The following ESR1 variants were observed in gnomAD, a reference collection of about 807,000 sequenced individuals.
ESR1 encodes the protein estrogen receptor.
A neutral mutation model predicts 52.7 loss-of-function variants in ESR1; 12 were observed. The ratio of observed to expected loss-of-function variants is 0.23; its 90% CI spans 0.15 to 0.37. The LOEUF (loss-of-function observed/expected upper bound fraction) is 0.37, where lower values mean the gene tolerates loss of function less well. Among genes scored for constraint, ESR1 ranks in the 10% least tolerant of loss-of-function variants. The pLI is 1.00. For synonymous variants in ESR1, 305 were observed against 316.8 expected (o/e 0.96, Z 0.39); for missense variants, 584 against 779.7 (o/e 0.75, Z 2.99).
chr6:151,833,304 A>T (rs993268639), intron 1 of ESR1, among the ~76,000 whole-genome samples: 1 of 152,206 alleles, frequency 6.6e-6, no homozygotes. Context: ...TTTGGGTGGG[A>T]CATTCATGGA....
chr6:151,986,903 A>ATG lies in ESR1; in HGVS notation c.1097-24736_1097-24735dup, dbSNP rs140628128. 1.3e-3 allele frequency among the ~76,000 whole-genome samples: 199 copies of ATG among 149,996 alleles called. 3 individuals carry two copies. Among genetic ancestry groups the ATG allele is most frequent in the East Asian group, 3.5e-3 (18 of 5,126 alleles). On this transcript the variant is annotated intron_variant, in intron 4 of 7. Transcript: ENST00000206249. ...ATGCTCACGGAGTATGTGTGTGAGC[A>ATG]TGTGTGTGTGTGTGTGTGCACGCGA...
intron 2 of ESR1, among the ~76,000 whole-genome samples, chr6:151,716,197 C>G (rs1237559891): frequency 1.3e-5 from 2 of 152,206 alleles, no homozygotes; most frequent in African/African-American, 4.8e-5. Flanking sequence ...GTTCCTTCCT[C>G]TGGAAGCTTT....
At chr6:151,835,783 A>C (rs1205065624) in intron 1 of ESR1, among the ~76,000 whole-genome samples, 2 of 134,864 alleles carry the variant, frequency 1.5e-5, no homozygotes, top group Non-Finnish European at 3.1e-5. Flanking sequence ...ATTTGGACTT[A>C]AGTCTATATA....
At chr6:151,826,100 G>A (rs913372825) in intron 1 of ESR1, among the ~76,000 whole-genome samples, 1 of 151,992 alleles carries the variant, frequency 6.6e-6, no homozygotes, top group Admixed American at 6.6e-5. Flanking sequence ...GGAAGGAATT[G>A]AAAGTTGGTT....
intron 3 of ESR1, among the ~76,000 whole-genome samples, chr6:151,895,811 TA>T (rs796983619): frequency 3.9e-5 from 6 of 152,292 alleles, no homozygotes; most frequent in African/African-American, 1.2e-4. Flanking sequence ...TCGTTAAGGA[TA>T]TTTTTTTGAG....
chr6:151,727,352 C>A (rs1391699294), intron 2 of ESR1, among the ~76,000 whole-genome samples: 1 of 151,964 alleles, frequency 6.6e-6, no homozygotes, highest in Non-Finnish European at 1.5e-5. Context: ...TAGGTGTGCA[C>A]CATCACGCCC....
At chr6:151,796,171 A>G (rs1286356158) in intron 2 of ESR1, among the ~76,000 whole-genome samples, 1 of 152,018 alleles carries the variant, frequency 6.6e-6, no homozygotes. Context: ...GTCTCAAAAA[A>G]AAAAAAAAGA....
chr6:152,035,221 A>G (rs1380279919), intron 5 of ESR1, among the ~76,000 whole-genome samples: 1 of 152,048 alleles, frequency 6.6e-6, no homozygotes, highest in Admixed American at 6.6e-5. Context: ...AAGAAGGGCT[A>G]GTTAATCAAT....
At chr6:151,857,602 C>T (rs1032620281) in intron 2 of ESR1, among the ~76,000 whole-genome samples, 1 of 152,096 alleles carries the variant, frequency 6.6e-6, no homozygotes, top group African/African-American at 2.4e-5. Context: ...AAACTTGCCT[C>T]ATTGCAACCT....
chr6:151,695,048 G>A (rs534858434), intron 1 of ESR1, among the ~76,000 whole-genome samples: 1 of 152,250 alleles, frequency 6.6e-6, no homozygotes, highest in South Asian at 2.1e-4. Context: ...CGGTTTTGAG[G>A]GGATGGTGGT....
intron 1 of ESR1, among the ~76,000 whole-genome samples, chr6:151,676,756 G>A (rs557435077): frequency 3.3e-5 from 5 of 152,198 alleles, no homozygotes; most frequent in South Asian, 2.1e-4. Flanking sequence ...CTTCCCACTC[G>A]CGGAAGCTGC....
chr6:152,102,715 A>G lies in ESR1; in HGVS notation c.*3749A>G, dbSNP rs1413384238. The G allele has an allele frequency of 9.1e-6, 2 of 218,982 alleles. No individual in the cohort carries two copies. Among genetic ancestry groups the G allele is most frequent in the East Asian group, 6.7e-5 (1 of 14,824 alleles). The allele number at this position is 218,982 out of a possible 1,614,324, so 13.6% of individuals were successfully genotyped here. A position where few individuals can be genotyped will look rare whatever the true frequency, so the allele number is the denominator to read the frequency against. ...TGTTTTCTAAGTAATTGCTGCCTCT[A>G]TTATGGCACTTCAATTTTGCACTGT... On this transcript the variant is annotated 3_prime_UTR_variant, in exon 8 of 8. Coordinates refer to ENST00000206249, the MANE Select transcript of ESR1 (RefSeq NM_000125.4).
rs180852699 is a variant in ESR1 at position 151,885,804 on chromosome 6, G to A, written c.760+5033G>A. On this transcript the variant is annotated intron_variant, in intron 3 of 7. Coordinates refer to ENST00000206249, the MANE Select transcript of ESR1 (RefSeq NM_000125.4). ...CAGTAGGCACAGGTTGCAGTGAGCC[G>A]AGATTGCACCACTGCATTCCAGCCT... Among the ~76,000 whole-genome samples the A allele has an allele frequency of 4.5e-3, 683 of 152,286 alleles. 4 individuals carry two copies. The highest frequency in any genetic ancestry group is 8.0e-3 in the Non-Finnish European group (541 of 68,020).
At chr6:151,703,519 A>C (rs1250645389) in intron 2 of ESR1, among the ~76,000 whole-genome samples, 1 of 152,188 alleles carries the variant, frequency 6.6e-6, no homozygotes, top group African/African-American at 2.4e-5. Flanking sequence ...TGTGAATCAC[A>C]GAAATGTTAA....
intron 6 of ESR1, among the ~76,000 whole-genome samples, chr6:152,063,912 G>T (rs1448191936): frequency 3.9e-5 from 6 of 152,188 alleles, no homozygotes; most frequent in Non-Finnish European, 8.8e-5. Flanking sequence ...TGTGGCCGAG[G>T]CACAAGGGGA....
At chr6:151,682,213 C>T (rs918904274) in intron 1 of ESR1, among the ~76,000 whole-genome samples, 3 of 152,212 alleles carry the variant, frequency 2.0e-5, no homozygotes, top group East Asian at 1.9e-4. Flanking sequence ...TTTGTTTTCA[C>T]TCTATTTCCT....
At chr6:151,956,880 A>ATATATATATATATAT (rs2037043126) in intron 4 of ESR1, among the ~76,000 whole-genome samples, 1 of 32,752 alleles carries the variant, frequency 3.1e-5, no homozygotes, top group African/African-American at 5.9e-5. Context: ...ATATATATAT[A>ATATATATATATATAT]AAATTTTTTT....
At chr6:151,753,996 C>G (rs1784096782) in intron 2 of ESR1, among the ~76,000 whole-genome samples, 1 of 152,092 alleles carries the variant, frequency 6.6e-6, no homozygotes. Context: ...GAATGAAGAC[C>G]TGGAGAGGAG....
chr6:151,965,991 G>C (rs560335206), intron 4 of ESR1, among the ~76,000 whole-genome samples: 2 of 80,824 alleles, frequency 2.5e-5, no homozygotes, highest in Non-Finnish European at 5.4e-5. Flanking sequence ...ATTCCTTCTG[G>C]ATCCAACTCA....
Sources: gnomAD v4.1 joint callset for allele counts (sites outside exome capture counted in the v4.1 genomes callset) on GRCh38, gnomAD v4.1.1 for gene constraint, MANE v1.5 for transcripts, NCBI Gene and HGNC (gene_info 2026-07-23, HGNC 2026-07-21) for gene names.